CTNNA3: variants seen among roughly 807,000 people sequenced by gnomAD.
The protein encoded by CTNNA3 is catenin alpha-3.
A neutral mutation model predicts 95.7 loss-of-function variants in CTNNA3; 76 were observed. The observed-to-expected ratio is 0.79, with a 90% confidence interval of 0.66 to 0.96. The LOEUF is 0.96. CTNNA3 is among the 40% of genes least tolerant of loss of function. CTNNA3 has a pLI of 0.00. For missense variants in CTNNA3, 1,191 were observed against 1,089.8 expected (o/e 1.09, Z -1.31); for synonymous variants, 431 against 374.4 (o/e 1.15, Z -1.74).
At chr10:66,045,079 T>A (rs2079801224) in intron 15 of CTNNA3, among the ~76,000 whole-genome samples, 1 of 152,202 alleles carries the variant, frequency 6.6e-6, no homozygotes, top group Non-Finnish European at 1.5e-5. Flanking sequence ...TGCATGGTAC[T>A]TTTATATATG....
chr10:66,431,159 T>C (rs1294940195), intron 11 of CTNNA3, among the ~76,000 whole-genome samples: 1 of 152,122 alleles, frequency 6.6e-6, no homozygotes, highest in Non-Finnish European at 1.5e-5. Context: ...TCATCATCAC[T>C]GGCCATCAGA....
chr10:66,940,182 T>G (rs1847926102), intron 7 of CTNNA3, among the ~76,000 whole-genome samples: 1 of 152,142 alleles, frequency 6.6e-6, no homozygotes, highest in African/African-American at 2.4e-5. Flanking sequence ...GAAATTTGCA[T>G]TAATCTACTT....
chr10:67,425,908 G>C (rs2132880807), intron 5 of CTNNA3, among the ~76,000 whole-genome samples: 1 of 152,204 alleles, frequency 6.6e-6, no homozygotes. Context: ...CCATGCTGCA[G>C]AGAGACATCC....
In CTNNA3 at chr10:66,845,725, A is replaced by AAAAAAAAC. The variant is rs1160996707; in HGVS notation, c.1048-70202_1048-70201insGTTTTTTT. The stretch of plus-strand genomic sequence containing the variant: ...TCTCAAAAAAAAAAAAAAAAAAAAA[A>AAAAAAAAC]AAAACTAAAAAGGTGAGATATATAT... On this transcript the variant is annotated intron_variant, in intron 7 of 17. Coordinates refer to ENST00000433211, the MANE Select transcript of CTNNA3 (RefSeq NM_013266.4). 1.7e-4 allele frequency among the ~76,000 whole-genome samples: 17 copies of AAAAAAAAC among 100,374 alleles called. 3 individuals carry two copies. Among genetic ancestry groups the AAAAAAAAC allele is most frequent in the East Asian group, 8.8e-4 (3 of 3,428 alleles). 65.8% of individuals were successfully genotyped at this position (100,374 alleles called of 152,430 possible). A position where few individuals can be genotyped will look rare whatever the true frequency, so the allele number is the denominator to read the frequency against.
chr10:66,183,004 A>G (rs146672717), intron 13 of CTNNA3, among the ~76,000 whole-genome samples: 21 of 152,332 alleles, frequency 1.4e-4, no homozygotes, highest in Admixed American at 1.3e-3. Flanking sequence ...AGTGTTCACT[A>G]TCACAGAGGA....
intron 12 of CTNNA3, among the ~76,000 whole-genome samples, chr10:66,296,423 C>T (rs1050704910): frequency 3.3e-5 from 5 of 152,098 alleles, no homozygotes; most frequent in African/African-American, 4.8e-5. Flanking sequence ...TCTGTCTCCT[C>T]TTCTAGTATT....
intron 11 of CTNNA3, among the ~76,000 whole-genome samples, chr10:66,478,068 A>T (rs1839388409): frequency 6.6e-6 from 1 of 152,120 alleles, no homozygotes; most frequent in Non-Finnish European, 1.5e-5. Context: ...TCAAGTAGCA[A>T]TAATGCAATA....
rs758882774 is a variant in CTNNA3, at chr10:65,966,644, G to T, written c.2368C>A (p.Gln790Lys). Residue 790 changes from glutamine to lysine, a missense_variant, in exon 17 of 18, where the codon CAG becomes AAG. Transcript: ENST00000433211. Reference protein sequence around the residue: ...KICSQVKAEIQNLGGELIMSA... With the variant: ...KICSQVKAEIKNLGGELIMSA... ...ATGATGAGCTCTCCTCCCAGGTTCT[G>T]GATCTCAGCTTTAACTTGACTGCAG... 1 of 1,613,738 alleles carries T rather than the reference G, an allele frequency of 6.2e-7. No homozygotes were observed. The highest frequency in any genetic ancestry group is 1.7e-5 in the Admixed American group (1 of 59,974).
At chr10:66,754,100 T>C (rs774999246) in intron 9 of CTNNA3, among the ~76,000 whole-genome samples, 4 of 152,190 alleles carry the variant, frequency 2.6e-5, no homozygotes, top group Non-Finnish European at 5.9e-5. Context: ...AGAACGATAC[T>C]GGAGGATTCA....
intron 14 of CTNNA3, 62 bp downstream of exon 14, chr10:66,103,093 CAA>C (rs2081714870): frequency 1.5e-6 from 2 of 1,361,364 alleles, no homozygotes; most frequent in African/African-American, 2.9e-5. Context: ...CCTAGATTGA[CAA>C]AGGGAGGGCA....
chr10:66,585,053 T>G (rs1843314253), intron 10 of CTNNA3, among the ~76,000 whole-genome samples: 1 of 152,016 alleles, frequency 6.6e-6, no homozygotes, highest in Admixed American at 6.6e-5. Flanking sequence ...AAGTCTGCAG[T>G]TAGTTTGATT....
At chr10:67,140,882 T>C (rs1287168681) in intron 7 of CTNNA3, among the ~76,000 whole-genome samples, 3 of 152,190 alleles carry the variant, frequency 2.0e-5, no homozygotes, top group African/African-American at 7.2e-5. Context: ...CAAGACAGCA[T>C]TGCTACATTA....
intron 13 of CTNNA3, among the ~76,000 whole-genome samples, chr10:66,184,661 C>A (rs114977318): frequency 2.0e-5 from 3 of 152,138 alleles, no homozygotes; most frequent in Non-Finnish European, 2.9e-5. Context: ...ATTGGAACAA[C>A]GTGACAATGC....
chr10:67,253,762 G>T (rs1866210935), intron 5 of CTNNA3, among the ~76,000 whole-genome samples: 1 of 152,140 alleles, frequency 6.6e-6, no homozygotes, highest in Non-Finnish European at 1.5e-5. Context: ...AAAAACGATG[G>T]TGATGATGAA....
intron 7 of CTNNA3, among the ~76,000 whole-genome samples, chr10:67,028,332 G>A (rs775379028): frequency 2.6e-5 from 4 of 152,148 alleles, no homozygotes; most frequent in Non-Finnish European, 5.9e-5. Flanking sequence ...TTTATGGATT[G>A]ACTCAGAAGC....
intron 13 of CTNNA3, chr10:66,118,430 C>G (rs1205274241): frequency 1.3e-5 from 2 of 152,162 alleles, no homozygotes; most frequent in African/African-American, 4.8e-5. Flanking sequence ...CTAAAGAAAA[C>G]TAATAATAAC....
chr10:66,915,667 C>G (rs918907853), intron 7 of CTNNA3, among the ~76,000 whole-genome samples: 2 of 150,632 alleles, frequency 1.3e-5, no homozygotes, highest in Admixed American at 1.3e-4. Context: ...TCTGAAATGC[C>G]TGAGTGTTTG....
chr10:66,706,347 G>C (rs1346044544), intron 9 of CTNNA3, among the ~76,000 whole-genome samples: 1 of 150,972 alleles, frequency 6.6e-6, no homozygotes, highest in East Asian at 2.0e-4. Context: ...GTTGTCAAAA[G>C]ATAGCTTATC....
chr10:66,429,949 G>C (rs1005382741), intron 11 of CTNNA3, among the ~76,000 whole-genome samples: 1 of 150,388 alleles, frequency 6.6e-6, no homozygotes, highest in East Asian at 1.9e-4. Context: ...ATTAGGAAAA[G>C]AGGAAGACAA....
Sources: allele counts gnomAD v4.1 joint callset (sites outside exome capture counted in the v4.1 genomes callset), GRCh38; gene constraint gnomAD v4.1.1; transcripts MANE v1.5; gene names NCBI Gene and HGNC (gene_info 2026-07-23, HGNC 2026-07-21).